Variants in ATP6V0A4 observed in about 807,000 individuals in gnomAD.
ATP6V0A4 encodes the protein ATPase H+ transporting V0 subunit a4.
A neutral mutation model predicts 107.3 loss-of-function variants in ATP6V0A4; 86 were observed. That is an observed-to-expected ratio of 0.80 (90% confidence interval 0.67 to 0.96). The LOEUF (loss-of-function observed/expected upper bound fraction) is 0.96, where lower values mean the gene tolerates loss of function less well. Ranked by LOEUF, ATP6V0A4 falls within the 40% of genes least tolerant of loss-of-function variation. The probability of loss-of-function intolerance (pLI) is 0.00; values close to 1 mark genes in which losing one functional copy is unlikely to be tolerated. For missense variants in ATP6V0A4, 908 were observed against 1,045.6 expected, an observed-to-expected ratio of 0.87 and a Z score of 1.81; for synonymous variants, 353 against 381.4, an observed-to-expected ratio of 0.93 and a Z score of 0.87.
At chr7:138,777,598 A>T (rs1807718239) in intron 2 of ATP6V0A4, among the ~76,000 whole-genome samples, 1 of 137,948 alleles carries the variant, frequency 7.2e-6, no homozygotes, top group Non-Finnish European at 1.5e-5. Context: ...CTGGGCAAAG[A>T]GAGGGAAACT....
intron 2 of ATP6V0A4, among the ~76,000 whole-genome samples, chr7:138,778,501 G>C (rs1030256143): frequency 6.6e-6 from 1 of 151,896 alleles, no homozygotes; most frequent in Non-Finnish European, 1.5e-5. Context: ...CTTCTGGTCT[G>C]AGCATTTCAG....
intron 18 of ATP6V0A4, among the ~76,000 whole-genome samples, chr7:138,726,989 G>A (rs146673322): frequency 6.6e-6 from 1 of 152,124 alleles, no homozygotes; most frequent in East Asian, 1.9e-4. Flanking sequence ...CTGGAACTCA[G>A]GAGAGCCTGC....
In ATP6V0A4 at chr7:138,732,930, T is replaced by C. The variant is rs1346426633; in HGVS notation, c.1855A>G (p.Met619Val). Reference sequence around the variant, plus strand: ...GAGTCACTGTAGTTAAACAGAAACATGTTGATGAAGTGGATGAGGATGCTG... The same window carrying C: ...GAGTCACTGTAGTTAAACAGAAACACGTTGATGAAGTGGATGAGGATGCTG... ...APSILIHFIN[M>V]FLFNYSDSSN... The change falls in exon 17 of 22, where the codon ATG becomes GTG. Residue 619 changes from methionine to valine, a missense_variant. Coordinates refer to ENST00000310018, the MANE Select transcript of ATP6V0A4 (RefSeq NM_020632.3). 5 of 1,611,932 alleles carry C rather than the reference T, an allele frequency of 3.1e-6. No individual in the cohort carries two copies. The highest frequency in any genetic ancestry group is 2.2e-5 in the East Asian group (1 of 44,838).
In ATP6V0A4 at chr7:138,748,626, C is replaced by T. The variant is rs900884875; in HGVS notation, c.1180+541G>A. Among the ~76,000 whole-genome samples, 7 of 152,098 alleles carry T rather than the reference C, an allele frequency of 4.6e-5. 1 individual carries two copies. The South Asian group carries it at 1.2e-3, about 27-fold the overall frequency. ...TTTGCCATGTTGGTCAAGCTGGTCT[C>T]GAACTCCTGACCTCAAGCGATCCAC... On this transcript the variant is annotated intron_variant, in intron 12 of 21. Transcript: ENST00000310018.
chr7:138,720,036 A>C (rs963091761), intron 19 of ATP6V0A4, among the ~76,000 whole-genome samples: 2 of 151,750 alleles, frequency 1.3e-5, no homozygotes, highest in South Asian at 4.2e-4. Flanking sequence ...AAAAAAAAAA[A>C]CAAAAACAAC....
intron 5 of ATP6V0A4, among the ~76,000 whole-genome samples, chr7:138,764,572 G>A (rs1357615586): frequency 6.6e-6 from 1 of 152,154 alleles, no homozygotes; most frequent in Non-Finnish European, 1.5e-5. Context: ...AAGTGTAACT[G>A]TCATCTGTAG....
At position 138,722,028 on chromosome 7, in the gene ATP6V0A4, G is replaced by A; in HGVS notation, c.2011-3C>T. ...TCTTGGATCCTGGATGCCTGCAGCTGACAACAAGCAGGGAAATGAGGAATG... is the reference window on the plus strand; with the variant it reads ...TCTTGGATCCTGGATGCCTGCAGCTAACAACAAGCAGGGAAATGAGGAATG... On this transcript the variant is annotated splice_region_variant and splice_polypyrimidine_tract_variant and intron_variant, in intron 18 of 21. Coordinates refer to ENST00000310018, the MANE Select transcript of ATP6V0A4 (RefSeq NM_020632.3). The A allele has an allele frequency of 6.2e-7, 1 of 1,614,058 alleles. No homozygotes were observed. Among genetic ancestry groups the A allele is most frequent in the East Asian group, 2.2e-5 (1 of 44,866 alleles).
intron 9 of ATP6V0A4, chr7:138,756,089 T>G (rs1328365196): frequency 5.7e-6 from 3 of 523,844 alleles, no homozygotes; most frequent in Non-Finnish European, 1.0e-5. Flanking sequence ...TATTAATGTA[T>G]TAATATCCTC....
intron 15 of ATP6V0A4, among the ~76,000 whole-genome samples, chr7:138,735,669 C>A (rs1805279298): frequency 6.6e-6 from 1 of 152,206 alleles, no homozygotes; most frequent in African/African-American, 2.4e-5. Flanking sequence ...CTCACATGGG[C>A]TTTGGCATCT....
At chr7:138,745,961 A>ATATATATTATAAATATAAAT (rs1168272818) in intron 13 of ATP6V0A4, among the ~76,000 whole-genome samples, 1 of 89,124 alleles carries the variant, frequency 1.1e-5, no homozygotes, top group African/African-American at 5.0e-5. Context: ...AAAAAAAAAA[A>ATATATATTATAAATATAAAT]AATATATATA....
At chr7:138,707,097 A>AGTGTGTGTGTGTGTGTG (rs1562972241) in intron 21 of ATP6V0A4, among the ~76,000 whole-genome samples, 178 of 47,008 alleles carry the variant, frequency 3.8e-3, no homozygotes, top group African/African-American at 0.024. Flanking sequence ...TGTGTGTATA[A>AGTGTGTGTGTGTGTGTG]TATATCATAT....
chr7:138,785,432 C>T (rs113747624), intron 2 of ATP6V0A4, among the ~76,000 whole-genome samples: 151 of 152,050 alleles, frequency 9.9e-4, no homozygotes, highest in Admixed American at 2.2e-3. Flanking sequence ...TGCACCACCA[C>T]GCCCGGTTAA....
rs572145903 is a variant in ATP6V0A4 at position 138,768,183 on chromosome 7, C to T, written c.291+597G>A. On this transcript the variant is annotated intron_variant, in intron 5 of 21. Transcript: ENST00000310018. Reference sequence around the variant, plus strand: ...TCCTGACTTCGTGATCCGCCTGCCTCGGCCTCCCAAAGTGGTGGGATTACA... The same window carrying T: ...TCCTGACTTCGTGATCCGCCTGCCTTGGCCTCCCAAAGTGGTGGGATTACA... 4.6e-5 allele frequency among the ~76,000 whole-genome samples: 7 copies of T among 152,236 alleles called. No homozygotes were observed. The South Asian group carries it at 1.2e-3, about 27-fold the overall frequency.
At chr7:138,743,501 C>T (rs966120418) in intron 14 of ATP6V0A4, among the ~76,000 whole-genome samples, 5 of 151,376 alleles carry the variant, frequency 3.3e-5, no homozygotes, top group African/African-American at 9.7e-5. Context: ...ATAAATAAAC[C>T]CAGGATTGAA....
At chr7:138,759,684 G>A (rs1041435265) in intron 8 of ATP6V0A4, 68 bp downstream of exon 8, 75 of 1,548,602 alleles carry the variant, frequency 4.8e-5, no homozygotes, top group Non-Finnish European at 6.6e-5. Context: ...TGTTTTGGGA[G>A]AACGAAGCGC....
At chr7:138,770,095 C>G (rs954351891) in intron 3 of ATP6V0A4, among the ~76,000 whole-genome samples, 1 of 151,910 alleles carries the variant, frequency 6.6e-6, no homozygotes, top group Non-Finnish European at 1.5e-5. Flanking sequence ...AAATTTAAAA[C>G]TTTTGTGCAT....
chr7:138,706,830 G>C, intron 21 of ATP6V0A4, 113 bp from the exon 22 acceptor site: 2 of 1,513,464 alleles, frequency 1.3e-6, no homozygotes, highest in Non-Finnish European at 1.8e-6. Flanking sequence ...CAAGCACAAA[G>C]TCAGAAGGGT....
At chr7:138,784,225 T>TATATAC (rs1808045864) in intron 2 of ATP6V0A4, among the ~76,000 whole-genome samples, 2 of 76,992 alleles carry the variant, frequency 2.6e-5, no homozygotes, top group African/African-American at 1.6e-4. Context: ...TATATATATA[T>TATATAC]ATATATATAC....
intron 10 of ATP6V0A4, among the ~76,000 whole-genome samples, chr7:138,753,263 T>C (rs1247394053): frequency 6.6e-6 from 1 of 152,114 alleles, no homozygotes; most frequent in African/African-American, 2.4e-5. Flanking sequence ...CAGGGAAGAA[T>C]ACCACGTGAC....
Sources: allele counts gnomAD v4.1 joint callset (sites outside exome capture counted in the v4.1 genomes callset), GRCh38; gene constraint gnomAD v4.1.1; transcripts MANE v1.5; gene names NCBI Gene and HGNC (gene_info 2026-07-23, HGNC 2026-07-21).